The following IQCH variants were observed in gnomAD, a reference collection of about 807,000 sequenced individuals.
IQCH encodes IQ motif containing H, also known as IQ domain-containing protein H.
Under a neutral mutation model 117.0 loss-of-function variants are expected in IQCH, and 98 were observed. The observed-to-expected ratio is 0.84, with a 90% CI of 0.71 to 0.99. The LOEUF is 0.99. Among genes scored for constraint, IQCH ranks in the 50% least tolerant of loss-of-function variants. IQCH has a pLI of 0.00. For synonymous variants in IQCH, 412 were observed against 448.2 expected (o/e 0.92, Z 1.02); for missense variants, 1,102 against 1,243.8 (o/e 0.89, Z 1.72).
In IQCH at chr15:67,463,869, G is replaced by C. The variant is rs781556204; in HGVS notation, c.2506-1258G>C. On this transcript the variant is annotated intron_variant, in intron 16 of 20. Coordinates refer to ENST00000335894, the MANE Select transcript of IQCH (RefSeq NM_001031715.3). This position sits in a 1 kb window ranked among gnomAD's most constrained non-coding sequence, Gnocchi z 4.0. ...TTATTTTTTATTTTTTTGAGACAGAGTCTCACTCTGCCACCCAGGCTGGAC... is the reference window on the plus strand; with the variant it reads ...TTATTTTTTATTTTTTTGAGACAGACTCTCACTCTGCCACCCAGGCTGGAC... Among the ~76,000 whole-genome samples, 5 of 152,046 alleles carry C rather than the reference G, an allele frequency of 3.3e-5. No homozygotes were observed. The highest frequency in any genetic ancestry group is 1.2e-4 in the African/African-American group (5 of 41,380).
chr15:67,497,790 A>G (rs2083863474), intron 20 of IQCH, among the ~76,000 whole-genome samples: 1 of 152,090 alleles, frequency 6.6e-6, no homozygotes. Context: ...GCGCCTGGCC[A>G]GGAATAAATT....
rs1253409984 is a variant in IQCH at position 67,476,914 on chromosome 15, T to TAG, written c.2799+1097_2799+1098dup. Among the ~76,000 whole-genome samples the TAG allele has an allele frequency of 6.6e-6, 1 of 152,066 alleles. No homozygotes were observed. The highest frequency in any genetic ancestry group is 1.5e-5 in the Non-Finnish European group (1 of 68,020). ...TATATATAATGACATAAGAATTGAGTAGTAACCAGTTGATCAGATGTTTTG... is the reference window on the plus strand; with the variant it reads ...TATATATAATGACATAAGAATTGAGTAGAGTAACCAGTTGATCAGATGTTTTG... On this transcript the variant is annotated intron_variant, in intron 18 of 20. Coordinates refer to ENST00000335894, the MANE Select transcript of IQCH (RefSeq NM_001031715.3). This position sits in a 1 kb window ranked among gnomAD's most constrained non-coding sequence, Gnocchi z 4.1.
chr15:67,263,286 ATGACTAT>A, intron 3 of IQCH, 70 bp downstream of exon 3: 9 of 787,200 alleles, frequency 1.1e-5, no homozygotes, highest in Non-Finnish European at 1.7e-5. Context: ...CTCAAGTGAG[ATGACTAT>A]AAAATATAGG....
chr15:67,310,773 A>G (rs538422517), intron 4 of IQCH, among the ~76,000 whole-genome samples: 3 of 152,330 alleles, frequency 2.0e-5, no homozygotes, highest in South Asian at 4.1e-4. Flanking sequence ...AACTGCAGAT[A>G]AAAGTCAACA....
chr15:67,277,365 C>A (rs942785521), intron 3 of IQCH, among the ~76,000 whole-genome samples: 1 of 151,848 alleles, frequency 6.6e-6, no homozygotes, highest in Non-Finnish European at 1.5e-5. Context: ...TTTTAGCATG[C>A]CTCATCATTT....
chr15:67,272,580 A>G (rs562154768), intron 3 of IQCH, among the ~76,000 whole-genome samples: 1 of 152,256 alleles, frequency 6.6e-6, no homozygotes, highest in Admixed American at 6.5e-5. Flanking sequence ...GCTCTGTTAC[A>G]ATGTTTGCCT....
At position 67,408,269 on chromosome 15, in the gene IQCH, G is replaced by A. The variant is rs748651368; in HGVS notation, c.2097+7964G>A. 6 of 152,178 alleles carry A rather than the reference G, an allele frequency of 3.9e-5. No homozygotes were observed. The highest frequency in any genetic ancestry group is 8.8e-5 in the Non-Finnish European group (6 of 68,048). 9.4% of individuals were successfully genotyped at this position (152,178 alleles called of 1,614,324 possible). Reference sequence around the variant, plus strand: ...TGCTGAAAACCACAGAGCAGGCATGGGCATTTGGAACCGTTTCAGAATGAG... The same window carrying A: ...TGCTGAAAACCACAGAGCAGGCATGAGCATTTGGAACCGTTTCAGAATGAG... On this transcript the variant is annotated intron_variant, in intron 14 of 20. Coordinates refer to ENST00000335894, the MANE Select transcript of IQCH (RefSeq NM_001031715.3). This position sits in a 1 kb window ranked among gnomAD's most constrained non-coding sequence, Gnocchi z 4.2.
chr15:67,396,625 C>T (rs1304446235), intron 13 of IQCH, among the ~76,000 whole-genome samples: 1 of 152,162 alleles, frequency 6.6e-6, no homozygotes, highest in East Asian at 1.9e-4. Context: ...TGTTTCAGTA[C>T]ACCTCTTGAC....
chr15:67,304,746 G>A (rs1372313549), intron 4 of IQCH, among the ~76,000 whole-genome samples: 2 of 152,136 alleles, frequency 1.3e-5, no homozygotes, highest in Admixed American at 6.6e-5. Context: ...CCAGCAAAAA[G>A]AATTAATAGA....
rs953657467 is a variant in IQCH, at chr15:67,437,390, C to A, written c.2505+15813C>A. On this transcript the variant is annotated intron_variant, in intron 16 of 20. Transcript: ENST00000335894. Reference sequence around the variant, plus strand: ...TACATCAAGGGAACAACCCGTGGGACAAAAGAATCTGAACAACAGGCTGCA... The same window carrying A: ...TACATCAAGGGAACAACCCGTGGGAAAAAAGAATCTGAACAACAGGCTGCA... Among the ~76,000 whole-genome samples the A allele has an allele frequency of 9.2e-5, 14 of 152,264 alleles. 1 individual carries two copies. The highest frequency in any genetic ancestry group is 1.7e-4 in the African/African-American group (7 of 41,546).
chr15:67,302,833 G>T (rs1314452449), intron 4 of IQCH, among the ~76,000 whole-genome samples: 1 of 152,124 alleles, frequency 6.6e-6, no homozygotes, highest in Non-Finnish European at 1.5e-5. Flanking sequence ...CTCCAGCCTG[G>T]GTGACAGAGC....
intron 5 of IQCH, among the ~76,000 whole-genome samples, chr15:67,338,809 A>G (rs536220120): frequency 1.3e-5 from 2 of 152,134 alleles, no homozygotes; most frequent in African/African-American, 2.4e-5. Context: ...TCTGAACTCT[A>G]TGAACAAGGT....
chr15:67,338,275 A>G (rs898220192), intron 5 of IQCH, among the ~76,000 whole-genome samples: 4 of 144,258 alleles, frequency 2.8e-5, no homozygotes, highest in Non-Finnish European at 3.1e-5. Flanking sequence ...CAATAGAGAC[A>G]ATAAAAAAAT....
At chr15:67,311,204 C>A (rs1967577747) in intron 4 of IQCH, among the ~76,000 whole-genome samples, 1 of 151,936 alleles carries the variant, frequency 6.6e-6, no homozygotes, top group South Asian at 2.1e-4. Context: ...ACCAACTAAT[C>A]CTTAATTATT....
chr15:67,261,246 A>G (rs768212711), intron 1 of IQCH, 26 bp from the exon 2 acceptor site: 6 of 1,462,306 alleles, frequency 4.1e-6, no homozygotes, highest in East Asian at 2.4e-5. Context: ...GATTATTTCA[A>G]TATTTTTCAT....
At chr15:67,311,474 A>G (rs1037146837) in intron 4 of IQCH, among the ~76,000 whole-genome samples, 1 of 150,884 alleles carries the variant, frequency 6.6e-6, no homozygotes, top group African/African-American at 2.4e-5. Flanking sequence ...TCTTGATTTC[A>G]TAATTTGTCT....
chr15:67,326,881 T>G (rs1596188502), intron 4 of IQCH, among the ~76,000 whole-genome samples: 2 of 152,332 alleles, frequency 1.3e-5, no homozygotes, highest in South Asian at 4.1e-4. Context: ...GTAAATTGAT[T>G]TCAGATTTTA....
At chr15:67,278,819 A>C (rs544129372) in intron 3 of IQCH, among the ~76,000 whole-genome samples, 9 of 152,316 alleles carry the variant, frequency 5.9e-5, no homozygotes, top group Non-Finnish European at 1.2e-4. Flanking sequence ...ACTTGCTTTC[A>C]AATTAAAAAT....
At position 67,462,589 on chromosome 15, in the gene IQCH, C is replaced by T. The variant is rs114520919; in HGVS notation, c.2506-2538C>T. On this transcript the variant is annotated intron_variant, in intron 16 of 20. Transcript: ENST00000335894. ...CTGAGATTGAGAAAGCTTAACCAAC[C>T]CATTGCAGTTCCCACTGTGAGGTCC... Among the ~76,000 whole-genome samples the T allele has an allele frequency of 7.8e-3, 1,185 of 152,084 alleles. 13 individuals carry two copies. The highest frequency in any genetic ancestry group is 0.025 in the African/African-American group (1,047 of 41,474).
Sources: allele counts gnomAD v4.1 joint callset (sites outside exome capture counted in the v4.1 genomes callset), GRCh38; gene constraint gnomAD v4.1.1; non-coding constraint Gnocchi (gnomAD v3.1); transcripts MANE v1.5; gene names NCBI Gene and HGNC (gene_info 2026-07-23, HGNC 2026-07-21).